The following PSMD11 variants were observed in gnomAD, a reference collection of about 807,000 sequenced individuals.
PSMD11 encodes 26S proteasome non-ATPase regulatory subunit 11.
PSMD11 carries 5 observed loss-of-function variants against 62.3 expected under a neutral mutation model. The ratio of observed to expected loss-of-function variants is 0.08; its 90% CI spans 0.04 to 0.17. The LOEUF (loss-of-function observed/expected upper bound fraction) is 0.17, where lower values mean the gene tolerates loss of function less well. Ranked by LOEUF, PSMD11 falls within the 10% of genes least tolerant of loss-of-function variation. The pLI is 1.00. For synonymous variants in PSMD11, 191 were observed against 191.8 expected (o/e 1.00, Z 0.03); for missense variants, 310 against 512.9 (o/e 0.60, Z 3.82).
rs545990633 is a variant in PSMD11 at position 32,474,120 on chromosome 17, G to A, written c.788+175G>A. The A allele has an allele frequency of 1.9e-4, 126 of 660,574 alleles. 4 individuals are homozygous for A. The highest frequency in any genetic ancestry group is 1.1e-3 in the East Asian group (41 of 37,290). 40.9% of individuals were successfully genotyped at this position (660,574 alleles called of 1,614,324 possible). ...ATCAAAAGTGGTCCAGAAAACTTTCGCTTGCTAGTCTTTCAGAATCAGGCA... is the reference window on the plus strand; with the variant it reads ...ATCAAAAGTGGTCCAGAAAACTTTCACTTGCTAGTCTTTCAGAATCAGGCA... On this transcript the variant is annotated intron_variant, in intron 7 of 13. Coordinates refer to ENST00000261712, the MANE Select transcript of PSMD11 (RefSeq NM_002815.4).
At chr17:32,460,755 C>CAAA (rs397939444) in intron 3 of PSMD11, among the ~76,000 whole-genome samples, 3 of 124,126 alleles carry the variant, frequency 2.4e-5, no homozygotes, top group Admixed American at 8.3e-5. Flanking sequence ...GACACTGTCT[C>CAAA]AAAAAAAAAA....
At position 32,480,592 on chromosome 17, in the gene PSMD11, A is replaced by C; in HGVS notation, c.1230A>C (p.Val410=). 1 of 1,614,202 alleles carries C rather than the reference A, an allele frequency of 6.2e-7. No individual in the cohort carries two copies. The highest frequency in any genetic ancestry group is 8.5e-7 in the Non-Finnish European group (1 of 1,180,028). The part of the protein sequence containing the change: ...ALETIQNMSK[V]VDSLYNKAKK... Reference sequence around the variant, plus strand: ...AAACAATTCAGAACATGAGCAAAGTAGTGGATTCCCTCTACAACAAAGCCA... The same window carrying C: ...AAACAATTCAGAACATGAGCAAAGTCGTGGATTCCCTCTACAACAAAGCCA... Residue 410 remains valine, a synonymous_variant, in exon 13 of 14, where the codon GTA becomes GTC. Coordinates refer to ENST00000261712, the MANE Select transcript of PSMD11 (RefSeq NM_002815.4).
At chr17:32,471,280 A>G (rs140982456) in intron 6 of PSMD11, among the ~76,000 whole-genome samples, 1 of 152,330 alleles carries the variant, frequency 6.6e-6, no homozygotes, top group African/African-American at 2.4e-5. Context: ...GGTTCAATCA[A>G]AGTTAAGCTC....
intron 2 of PSMD11, among the ~76,000 whole-genome samples, chr17:32,453,128 A>G (rs1907555654): frequency 6.6e-6 from 1 of 152,202 alleles, no homozygotes; most frequent in African/African-American, 2.4e-5. Context: ...GTTCAGGCAC[A>G]GGAGGAAATT....
intron 4 of PSMD11, 139 bp downstream of exon 4, chr17:32,464,259 A>G (rs2150834586): frequency 1.1e-6 from 1 of 885,096 alleles, no homozygotes; most frequent in South Asian, 1.5e-5. Flanking sequence ...TGGTAGCCCC[A>G]CTTATGATAA....
intron 3 of PSMD11, among the ~76,000 whole-genome samples, chr17:32,462,065 T>C (rs1272450029): frequency 6.6e-6 from 1 of 152,230 alleles, no homozygotes; most frequent in Admixed American, 6.5e-5. Context: ...TAATTCATTG[T>C]TTCTTAATTA....
intron 6 of PSMD11, among the ~76,000 whole-genome samples, chr17:32,471,654 G>A (rs1347095427): frequency 6.6e-6 from 1 of 152,160 alleles, no homozygotes; most frequent in African/African-American, 2.4e-5. Flanking sequence ...GGTAAACATG[G>A]CCTTTTCCTG....
chr17:32,450,324 G>A (rs963019411), intron 2 of PSMD11, among the ~76,000 whole-genome samples: 17 of 150,322 alleles, frequency 1.1e-4, no homozygotes, highest in African/African-American at 2.7e-4. Context: ...GTGTGATCTC[G>A]GCTCACTGCA....
chr17:32,478,719 T>TC (rs1908399533), intron 9 of PSMD11, among the ~76,000 whole-genome samples: 1 of 152,126 alleles, frequency 6.6e-6, no homozygotes, highest in Non-Finnish European at 1.5e-5. Flanking sequence ...CTCAATGTTC[T>TC]TTTTTTCCCC....
chr17:32,464,964 A>G, intron 5 of PSMD11, among the ~76,000 whole-genome samples: 1 of 152,148 alleles, frequency 6.6e-6, no homozygotes, highest in East Asian at 1.9e-4. Context: ...ATCTGCTTAT[A>G]TACTTAAAAT....
chr17:32,461,323 C>T lies in PSMD11; in HGVS notation c.319-2726C>T, dbSNP rs1047230441. On this transcript the variant is annotated intron_variant, in intron 3 of 13. Transcript: ENST00000261712. ...CGAACCCCTGACCTCGTGATCCGCC[C>T]GCTTTGGCCTCCCAAAGTGCTGGGA... 4.6e-5 allele frequency among the ~76,000 whole-genome samples: 7 copies of T among 152,104 alleles called. No individual in the cohort carries two copies. In the South Asian group the frequency reaches 6.2e-4, roughly 13 times the overall value.
In PSMD11 at chr17:32,481,050, G is replaced by C. The variant is rs1250362335; in HGVS notation, c.*298G>C. ...CCTAAAGCTGTGCTCTCTGCCTCCT[G>C]GGAGAGGGCCGCAAAGCCAGGCACC... On this transcript the variant is annotated 3_prime_UTR_variant, in exon 14 of 14. Coordinates refer to ENST00000261712, the MANE Select transcript of PSMD11 (RefSeq NM_002815.4). The C allele has an allele frequency of 6.5e-6, 1 of 154,844 alleles. No individual in the cohort carries two copies. Among genetic ancestry groups the C allele is most frequent in the African/African-American group, 2.4e-5 (1 of 41,426 alleles). The allele number at this position is 154,844 out of a possible 1,614,324, so 9.6% of individuals were successfully genotyped here.
At chr17:32,478,725 TC>T (rs924844802) in intron 9 of PSMD11, among the ~76,000 whole-genome samples, 6 of 151,988 alleles carry the variant, frequency 3.9e-5, no homozygotes, top group Non-Finnish European at 7.4e-5. Context: ...GTTCTTTTTT[TC>T]CCCCCCATGG....
At chr17:32,459,877 T>C (rs900190371) in intron 3 of PSMD11, among the ~76,000 whole-genome samples, 8 of 152,156 alleles carry the variant, frequency 5.3e-5, no homozygotes, top group Non-Finnish European at 8.8e-5. Context: ...TCCGCCTGTC[T>C]TGGCCTCCCA....
intron 6 of PSMD11, among the ~76,000 whole-genome samples, chr17:32,469,875 G>T (rs759932423): frequency 3.3e-5 from 5 of 152,074 alleles, no homozygotes; most frequent in Admixed American, 6.6e-5. Context: ...ATTTTGTTCT[G>T]CTGCTTTCTA....
chr17:32,447,250 A>G (rs1408431608), intron 2 of PSMD11: 2 of 489,486 alleles, frequency 4.1e-6, no homozygotes, highest in Non-Finnish European at 7.2e-6. Flanking sequence ...ATGAGAGACA[A>G]TCTTATTTTT....
intron 4 of PSMD11, 90 bp downstream of exon 4, chr17:32,464,210 A>T: frequency 3.3e-6 from 4 of 1,225,976 alleles, no homozygotes; most frequent in Non-Finnish European, 4.8e-6. Context: ...AAGTATCTTC[A>T]GCAACTTTGT....
At chr17:32,448,585 C>G (rs1907398588) in intron 2 of PSMD11, among the ~76,000 whole-genome samples, 1 of 151,810 alleles carries the variant, frequency 6.6e-6, no homozygotes, top group Admixed American at 6.6e-5. Context: ...GTTGGTCAGG[C>G]TGGTCTTGAA....
At position 32,480,520 on chromosome 17, in the gene PSMD11, T is replaced by A; in HGVS notation, c.1158T>A (p.Ile386=). 6.2e-7 allele frequency: 1 copy of A among 1,614,190 alleles called. No individual in the cohort carries two copies. Among genetic ancestry groups the A allele is most frequent in the Non-Finnish European group, 8.5e-7 (1 of 1,180,024 alleles). ...GILDQGEGVL[I]IFDEPPVDKT... ...TGGACCAGGGGGAGGGTGTCCTGAT[T>A]ATTTTCGATGAACCCCCAGTAGATA... Residue 386 remains isoleucine (I), a synonymous_variant, in exon 13 of 14, where the codon ATT becomes ATA. Transcript: ENST00000261712.
Sources: allele counts gnomAD v4.1 joint callset (sites outside exome capture counted in the v4.1 genomes callset), GRCh38; gene constraint gnomAD v4.1.1; transcripts MANE v1.5; gene names NCBI Gene and HGNC (gene_info 2026-07-23, HGNC 2026-07-21).